MIB1: variants seen among roughly 807,000 people sequenced by gnomAD.
MIB1 encodes E3 ubiquitin-protein ligase MIB1.
MIB1 carries 278 observed loss-of-function variants against 124.5 expected under a neutral mutation model. The ratio of observed to expected loss-of-function variants is 2.23; its 90% CI spans 2.02 to 2.47. The LOEUF (loss-of-function observed/expected upper bound fraction) is 2.47, where lower values mean the gene tolerates loss of function less well. Ranked by LOEUF, MIB1 falls within the 30% of genes most tolerant of loss-of-function variation. The probability of loss-of-function intolerance (pLI) is 0.00; values close to 1 mark genes in which losing one functional copy is unlikely to be tolerated. For synonymous variants in MIB1, 446 were observed against 429.4 expected (o/e 1.04, Z -0.48); for missense variants, 957 against 1,254.4 (o/e 0.76, Z 3.58).
At chr18:21,755,334 C>CT (rs33999789) in intron 1 of MIB1, among the ~76,000 whole-genome samples, 475 of 139,740 alleles carry the variant, frequency 3.4e-3, no homozygotes, top group South Asian at 4.1e-3. Context: ...AAACAACTGG[C>CT]TTTTTTTTTT....
intron 7 of MIB1, among the ~76,000 whole-genome samples, chr18:21,794,863 C>G (rs1211944647): frequency 6.6e-6 from 1 of 150,838 alleles, no homozygotes; most frequent in Non-Finnish European, 1.5e-5. Context: ...AACTAACTTT[C>G]AAGTATAACT....
At chr18:21,836,273 G>GT (rs34936609) in intron 12 of MIB1, among the ~76,000 whole-genome samples, 7,571 of 133,460 alleles carry the variant, frequency 0.057, 259 homozygotes, top group Non-Finnish European at 0.083. Flanking sequence ...AAAACAAAAG[G>GT]TTTTTTTTTT....
chr18:21,778,227 T>C (rs2041315039), intron 5 of MIB1, 58 bp downstream of exon 5: 2 of 1,183,098 alleles, frequency 1.7e-6, no homozygotes, highest in East Asian at 2.4e-5. Flanking sequence ...GTGGAATCAG[T>C]AAAATGCTTA....
At chr18:21,806,989 A>G (rs987165734) in intron 10 of MIB1, among the ~76,000 whole-genome samples, 6 of 152,190 alleles carry the variant, frequency 3.9e-5, no homozygotes, top group South Asian at 2.1e-4. Flanking sequence ...GACTTTTACC[A>G]TATTCCTCAT....
At chr18:21,792,427 C>A (rs939552718) in intron 7 of MIB1, among the ~76,000 whole-genome samples, 2 of 152,084 alleles carry the variant, frequency 1.3e-5, no homozygotes, top group Admixed American at 1.3e-4. Context: ...CCAGCCCCAA[C>A]TCCTGCCCCA....
intron 11 of MIB1, chr18:21,817,481 A>T (rs1029803293): frequency 9.6e-5 from 17 of 177,896 alleles, no homozygotes; most frequent in African/African-American, 3.8e-4. Context: ...CATTTTCTAT[A>T]TTGGGCACAG....
At chr18:21,831,118 AAAC>A (rs2041976649) in intron 12 of MIB1, 1 of 151,588 alleles carries the variant, frequency 6.6e-6, no homozygotes, top group Admixed American at 6.6e-5. Context: ...AAAAAAAAAA[AAAC>A]AAAAACAGAA....
rs1392036984 is a variant in MIB1, at chr18:21,868,612, T to TAA, written c.*3946_*3947insAA. 1 of 152,462 alleles carries TAA rather than the reference T, an allele frequency of 6.6e-6. No individual in the cohort carries two copies. The highest frequency in any genetic ancestry group is 2.4e-5 in the African/African-American group (1 of 41,454). The allele number at this position is 152,462 out of a possible 1,614,324, so 9.4% of individuals were successfully genotyped here. On this transcript the variant is annotated 3_prime_UTR_variant, in exon 21 of 21. Coordinates refer to ENST00000261537, the MANE Select transcript of MIB1 (RefSeq NM_020774.4). ...TGTGCCTTGTTGGAAGTGTCAACTG[T>TAA]CTTTATGTCTGCTTGTAAAAGTTTC...
intron 12 of MIB1, among the ~76,000 whole-genome samples, chr18:21,830,445 A>G (rs919181298): frequency 2.6e-5 from 4 of 152,206 alleles, no homozygotes; most frequent in Non-Finnish European, 5.9e-5. Flanking sequence ...CTGCCATAGT[A>G]TCTGAACAAT....
At chr18:21,839,750 C>G (rs2146501046) in intron 13 of MIB1, among the ~76,000 whole-genome samples, 1 of 152,216 alleles carries the variant, frequency 6.6e-6, no homozygotes, top group South Asian at 2.1e-4. Flanking sequence ...GATCCTTTTG[C>G]CTCAGCCTCC....
Position 21,842,987 on chromosome 18 carries a change from C to A in MIB1, c.1963-144C>A, listed in dbSNP as rs565232860. ...TTTTCTACTTTAACAGCAACTGTTA[C>A]CATATGAGAATAACATTGCAGCAGC... On this transcript the variant is annotated intron_variant, in intron 13 of 20. Transcript: ENST00000261537. The A allele has an allele frequency of 1.9e-4, 104 of 561,098 alleles. 1 individual carries two copies. In the South Asian group the frequency reaches 2.5e-3, roughly 13 times the overall value. The allele number at this position is 561,098 out of a possible 1,614,324, so 34.8% of individuals were successfully genotyped here. A position where few individuals can be genotyped will look rare whatever the true frequency, so the allele number is the denominator to read the frequency against.
chr18:21,746,439 G>A (rs949212514), intron 1 of MIB1, among the ~76,000 whole-genome samples: 3 of 152,114 alleles, frequency 2.0e-5, no homozygotes, highest in Non-Finnish European at 2.9e-5. Context: ...GTGATATAAC[G>A]TCTGTCTTGT....
Position 21,843,138 on chromosome 18 carries a change from C to T in MIB1, c.1970C>T (p.Ala657Val), listed in dbSNP as rs770669513. The T allele has an allele frequency of 1.2e-6, 2 of 1,602,002 alleles. No homozygotes were observed. The highest frequency in any genetic ancestry group is 1.1e-5 in the South Asian group (1 of 88,280). Reference sequence around the variant, plus strand: ...TTTGTTCTTCTCGTTCAGGGTAATGCAAACCTGGATATCCAGAATGTGAAC... The same window carrying T: ...TTTGTTCTTCTCGTTCAGGGTAATGTAAACCTGGATATCCAGAATGTGAAC... Reference protein sequence around the residue: ...VAELLVHQGNANLDIQNVNQQ... With the variant: ...VAELLVHQGNVNLDIQNVNQQ... The change falls in exon 14 of 21, where the codon GCA becomes GTA. Residue 657 changes from alanine to valine, a missense_variant. Physicochemically the swap from Ala to Val is moderately conservative, Grantham distance 64. Coordinates refer to ENST00000261537, the MANE Select transcript of MIB1 (RefSeq NM_020774.4).
At chr18:21,822,875 G>A (rs1482816809) in intron 12 of MIB1, among the ~76,000 whole-genome samples, 4 of 151,904 alleles carry the variant, frequency 2.6e-5, no homozygotes, top group Non-Finnish European at 5.9e-5. Flanking sequence ...TGAGGCAGGA[G>A]GATTGCTTGA....
chr18:21,742,713 T>C (rs533425947), intron 1 of MIB1, among the ~76,000 whole-genome samples: 3 of 152,348 alleles, frequency 2.0e-5, no homozygotes, highest in African/African-American at 7.2e-5. Flanking sequence ...TATTTATCCT[T>C]GATATTTATC....
At chr18:21,732,318 C>T (rs1043269285) in intron 1 of MIB1, among the ~76,000 whole-genome samples, 1 of 147,598 alleles carries the variant, frequency 6.8e-6, no homozygotes, top group African/African-American at 2.5e-5. Context: ...ACAGCGTAAG[C>T]CTCCATCTAA....
At chr18:21,842,091 CAAAAAAAAAAAA>C (rs376834305) in intron 13 of MIB1, among the ~76,000 whole-genome samples, 47 of 35,680 alleles carry the variant, frequency 1.3e-3, no homozygotes, top group Non-Finnish European at 1.6e-3. Context: ...GACCCTATCT[CAAAAAAAAAAAA>C]AAAAAAAAAA....
chr18:21,823,808 A>T (rs1239045171), intron 12 of MIB1, among the ~76,000 whole-genome samples: 2 of 152,112 alleles, frequency 1.3e-5, no homozygotes, highest in African/African-American at 4.8e-5. Flanking sequence ...GTCTGTTCTG[A>T]TAGTTAATAT....
intron 6 of MIB1, among the ~76,000 whole-genome samples, chr18:21,785,368 C>T (rs185549720): frequency 5.3e-5 from 8 of 152,268 alleles, no homozygotes; most frequent in East Asian, 1.9e-4. Context: ...TATGATCTCT[C>T]GTCTCCGCCC....
Sources: gnomAD v4.1 joint callset for allele counts (sites outside exome capture counted in the v4.1 genomes callset) on GRCh38, gnomAD v4.1.1 for gene constraint, MANE v1.5 for transcripts, NCBI Gene and HGNC (gene_info 2026-07-23, HGNC 2026-07-21) for gene names.